The following FGD4 variants were observed in gnomAD, a reference collection of about 807,000 sequenced individuals.
The protein encoded by FGD4 is FYVE, RhoGEF and PH domain-containing protein 4.
FGD4 carries 42 observed loss-of-function variants against 102.0 expected under a neutral mutation model. The ratio of observed to expected loss-of-function variants is 0.41; its 90% CI spans 0.32 to 0.53. The LOEUF (loss-of-function observed/expected upper bound fraction) is 0.53. FGD4 is among the 20% of genes least tolerant of loss of function. The probability of loss-of-function intolerance (pLI) is 0.21; values close to 1 mark genes in which losing one functional copy is unlikely to be tolerated. For synonymous variants in FGD4, 380 were observed against 375.7 expected (o/e 1.01, Z -0.13); for missense variants, 902 against 1,078.2 (o/e 0.84, Z 2.29).
intron 1 of FGD4, among the ~76,000 whole-genome samples, chr12:32,437,105 T>C (rs1844940471): frequency 9.7e-6 from 1 of 103,222 alleles, no homozygotes; most frequent in Non-Finnish European, 1.9e-5. Context: ...TGGGACTCCA[T>C]GTCAAAAAAA....
Position 32,507,425 on chromosome 12 carries a change from C to A in FGD4, c.167-56712C>A, listed in dbSNP as rs547639474. Among the ~76,000 whole-genome samples the A allele has an allele frequency of 9.2e-4, 140 of 152,178 alleles. 2 individuals are homozygous for A. In the South Asian group the frequency reaches 0.028, roughly 30 times the overall value. The stretch of plus-strand genomic sequence containing the variant: ...AAGCTGAGACACAAATGATAAGGAG[C>A]CAGCCACGTGTAATCTGGTGCAGTG... On this transcript the variant is annotated intron_variant, in intron 1 of 16. Coordinates refer to ENST00000534526, the MANE Select transcript of FGD4 (RefSeq NM_001370298.3).
intron 1 of FGD4, among the ~76,000 whole-genome samples, chr12:32,548,074 A>G (rs1421836346): frequency 6.6e-6 from 1 of 152,192 alleles, no homozygotes. Context: ...ACTGAAGGAC[A>G]TGTCTCAGCA....
intron 2 of FGD4, among the ~76,000 whole-genome samples, chr12:32,571,506 C>T (rs967679241): frequency 1.3e-5 from 2 of 150,954 alleles, no homozygotes; most frequent in Non-Finnish European, 3.0e-5. Flanking sequence ...TCATGGGTTA[C>T]AAGAAGTATT....
In FGD4 at chr12:32,533,529, G is replaced by A. The variant is rs373075558; in HGVS notation, c.167-30608G>A. On this transcript the variant is annotated intron_variant, in intron 1 of 16. Transcript: ENST00000534526. ...CAACCTCTGCCTCCTGGGTTCAAGC[G>A]ATTCTCCTGCCTCAGCCTCCTGAGT... Among the ~76,000 whole-genome samples, 62 of 152,236 alleles carry A rather than the reference G, an allele frequency of 4.1e-4. No individual in the cohort carries two copies. The East Asian group carries it at 0.012, about 28-fold the overall frequency.
At chr12:32,489,917 T>C (rs2136572390) in intron 1 of FGD4, among the ~76,000 whole-genome samples, 1 of 152,326 alleles carries the variant, frequency 6.6e-6, no homozygotes. Flanking sequence ...AACATGTTTT[T>C]CTCCTCTAAG....
intron 7 of FGD4, among the ~76,000 whole-genome samples, chr12:32,604,573 A>G (rs939770289): frequency 6.6e-6 from 1 of 152,210 alleles, no homozygotes; most frequent in Admixed American, 6.5e-5. Context: ...CACATCTACA[A>G]CCACAACTTC....
At chr12:32,559,147 CCT>C (rs1432355583) in intron 1 of FGD4, among the ~76,000 whole-genome samples, 1 of 152,104 alleles carries the variant, frequency 6.6e-6, no homozygotes, top group Non-Finnish European at 1.5e-5. Context: ...GTTTCAATTC[CCT>C]GTTAGGCAAC....
rs1192528104 is a variant in FGD4, at chr12:32,466,803, G to A, written c.166+66844G>A. On this transcript the variant is annotated intron_variant, in intron 1 of 16. Transcript: ENST00000534526. ...AAATCACTTGAAGATGGGAATGGGA[G>A]GTTGCAGTGAGCCAAGATGGCGTCA... 2.0e-5 allele frequency among the ~76,000 whole-genome samples: 3 copies of A among 149,898 alleles called. No individual in the cohort carries two copies. The Admixed American group carries it at 2.0e-4, about 10-fold the overall frequency.
chr12:32,636,874 T>C (rs1411949303), intron 15 of FGD4, among the ~76,000 whole-genome samples: 5 of 131,488 alleles, frequency 3.8e-5, no homozygotes, highest in African/African-American at 1.4e-4. Flanking sequence ...ATTTTTTTTC[T>C]TTTTTTTTTT....
chr12:32,399,881 C>T lies in FGD4; in HGVS notation c.88C>T (p.Pro30Ser). Residue 30 changes from proline to serine, a missense_variant, in exon 1 of 17, where the codon CCC (proline) becomes TCC (serine). By Grantham distance (74) the Pro-to-Ser change is moderately conservative (BLOSUM62 -1). Transcript: ENST00000534526. ...CTACCTGCCGCCCGGGGTGCCCCGGCCCTGGAGCAGGCCCGCGTCGCACCT... is the reference window on the plus strand; with the variant it reads ...CTACCTGCCGCCCGGGGTGCCCCGGTCCTGGAGCAGGCCCGCGTCGCACCT... ...PSYLPPGVPR[P>S]WSRPASHLGR... is the part of the protein sequence containing the mutation. 6.5e-7 allele frequency: 1 copy of T among 1,530,958 alleles called. No individual in the cohort carries two copies. The highest frequency in any genetic ancestry group is 8.7e-7 in the Non-Finnish European group (1 of 1,145,064). The allele number at this position is 1,530,958 out of a possible 1,614,324, so 94.8% of individuals were successfully genotyped here. A position where few individuals can be genotyped will look rare whatever the true frequency, so the allele number is the denominator to read the frequency against.
rs186545922 is a variant in FGD4 at position 32,413,766 on chromosome 12, T to G, written c.166+13807T>G. 2.0e-3 allele frequency among the ~76,000 whole-genome samples: 304 copies of G among 152,302 alleles called. 1 individual carries two copies. Among genetic ancestry groups the G allele is most frequent in the East Asian group, 1.5e-3 (8 of 5,182 alleles). On this transcript the variant is annotated intron_variant, in intron 1 of 16. Coordinates refer to ENST00000534526, the MANE Select transcript of FGD4 (RefSeq NM_001370298.3). ...CCTCTGGAGACTGTACTTCGGACCA[T>G]GGTCACTTATGTTTGGCTCAGAATA... is the stretch of plus-strand genomic sequence containing the variant.
chr12:32,598,480 A>G lies in FGD4; in HGVS notation c.1012-17A>G, dbSNP rs1409883075. On this transcript the variant is annotated splice_polypyrimidine_tract_variant and intron_variant, in intron 4 of 16. Coordinates refer to ENST00000534526, the MANE Select transcript of FGD4 (RefSeq NM_001370298.3). ...AAGGTATCTTTCCTAATGTGTGAAT[A>G]TCTTTCCAATTTTTAGGAGACTAAT... The G allele has an allele frequency of 1.3e-6, 2 of 1,573,768 alleles. No individual in the cohort carries two copies. Among genetic ancestry groups the G allele is most frequent in the African/African-American group, 1.4e-5 (1 of 74,008 alleles).
At chr12:32,425,506 C>G (rs145304390) in intron 1 of FGD4, among the ~76,000 whole-genome samples, 2 of 152,078 alleles carry the variant, frequency 1.3e-5, no homozygotes, top group Admixed American at 6.6e-5. Flanking sequence ...TCAGGTAGCA[C>G]GATGCCTCCA....
At chr12:32,424,885 G>A (rs1941778232) in intron 1 of FGD4, among the ~76,000 whole-genome samples, 1 of 152,088 alleles carries the variant, frequency 6.6e-6, no homozygotes, top group African/African-American at 2.4e-5. Context: ...AGAAGTGTCT[G>A]TTCATATCCT....
chr12:32,573,598 AAGAC>A (rs1945871689), intron 2 of FGD4, among the ~76,000 whole-genome samples: 1 of 152,250 alleles, frequency 6.6e-6, no homozygotes, highest in East Asian at 1.9e-4. Context: ...AATTTTTTCT[AAGAC>A]AGTGTGTCTA....
At chr12:32,584,826 CAGAAT>C (rs1403498062) in intron 4 of FGD4, among the ~76,000 whole-genome samples, 1 of 152,098 alleles carries the variant, frequency 6.6e-6, no homozygotes, top group Non-Finnish European at 1.5e-5. Flanking sequence ...ATACTTACTT[CAGAAT>C]AGTCTTAAAT....
intron 1 of FGD4, among the ~76,000 whole-genome samples, chr12:32,542,354 C>A (rs1942914032): frequency 6.6e-6 from 1 of 152,168 alleles, no homozygotes; most frequent in Non-Finnish European, 1.5e-5. Context: ...TTAATAGCAA[C>A]AATGTCAGGA....
Position 32,581,673 on chromosome 12 carries a change from A to G in FGD4, c.504-287A>G, listed in dbSNP as rs557814682. On this transcript the variant is annotated intron_variant, in intron 3 of 16. Transcript: ENST00000534526. ...AAGGATCAAGAAAAGTTAAGCGTTG[A>G]AAAATAAATAAATAAGTTATAAATA... Among the ~76,000 whole-genome samples the G allele has an allele frequency of 7.2e-5, 11 of 151,790 alleles. 1 individual carries two copies. Among genetic ancestry groups the G allele is most frequent in the Middle Eastern group, 3.4e-3 (1 of 294 alleles).
intron 1 of FGD4, among the ~76,000 whole-genome samples, chr12:32,487,998 A>G (rs1036917858): frequency 6.6e-5 from 10 of 152,342 alleles, no homozygotes; most frequent in South Asian, 4.1e-4. Context: ...AGGTTCTTCT[A>G]TGTTCCAAGT....
Sources: gnomAD v4.1 joint callset for allele counts (sites outside exome capture counted in the v4.1 genomes callset) on GRCh38, gnomAD v4.1.1 for gene constraint, MANE v1.5 for transcripts, NCBI Gene and HGNC (gene_info 2026-07-23, HGNC 2026-07-21) for gene names.